GLI3: variants seen among roughly 807,000 people sequenced by gnomAD.
GLI3 encodes GLI family zinc finger 3, also known as transcription activator GLI3.
Under a neutral mutation model 100.8 loss-of-function variants are expected in GLI3, and 20 were observed. The observed-to-expected ratio is 0.20, with a 90% confidence interval of 0.14 to 0.29. GLI3 has a LOEUF of 0.29. Among genes scored for constraint, GLI3 ranks in the 10% least tolerant of loss-of-function variants. The probability of loss-of-function intolerance (pLI) is 1.00; values close to 1 mark genes in which losing one functional copy is unlikely to be tolerated. For synonymous variants in GLI3, 938 were observed against 860.5 expected (o/e 1.09, Z -1.58); for missense variants, 2,040 against 2,128.5 (o/e 0.96, Z 0.82).
intron 3 of GLI3, among the ~76,000 whole-genome samples, chr7:42,139,245 T>C (rs1247081811): frequency 6.6e-6 from 1 of 152,248 alleles, no homozygotes; most frequent in Non-Finnish European, 1.5e-5. Context: ...GTTAATTCTT[T>C]AGGAACGAAG....
upstream of GLI3, chr7:42,237,862 G>C (rs1296254772): frequency 6.6e-6 from 1 of 150,444 alleles, no homozygotes; most frequent in Non-Finnish European, 1.5e-5. Flanking sequence ...CCCGGAGTGG[G>C]TCCCAGCTGC....
intron 1 of GLI3, among the ~76,000 whole-genome samples, chr7:42,251,316 C>T (rs1021912088): frequency 6.6e-6 from 1 of 152,214 alleles, no homozygotes; most frequent in Non-Finnish European, 1.5e-5. Flanking sequence ...TCACAAGCAG[C>T]ACACAACCTA....
chr7:42,078,799 G>A (rs928397614), intron 3 of GLI3, among the ~76,000 whole-genome samples: 1 of 146,456 alleles, frequency 6.8e-6, no homozygotes, highest in South Asian at 2.2e-4. Context: ...GCTCGATCTC[G>A]GCTCACTGTG....
intron 10 of GLI3, among the ~76,000 whole-genome samples, chr7:42,010,735 C>CT (rs1446588864): frequency 1.3e-5 from 2 of 152,150 alleles, no homozygotes; most frequent in Non-Finnish European, 2.9e-5. Context: ...CCAAACCTTC[C>CT]TTATATGCAC....
At chr7:42,154,861 A>G (rs960731359) in intron 2 of GLI3, among the ~76,000 whole-genome samples, 1 of 152,188 alleles carries the variant, frequency 6.6e-6, no homozygotes, top group African/African-American at 2.4e-5. Flanking sequence ...AACATTTCCA[A>G]TACCCTCGGG....
intron 10 of GLI3, among the ~76,000 whole-genome samples, chr7:42,021,940 T>G (rs1241839171): frequency 6.6e-6 from 1 of 152,240 alleles, no homozygotes. Flanking sequence ...CCCTTTGATA[T>G]TCCAATGTTT....
chr7:42,118,313 C>A (rs547697404), intron 3 of GLI3: 3 of 398,650 alleles, frequency 7.5e-6, no homozygotes, highest in Admixed American at 8.8e-5. Context: ...TCCTTTCTCA[C>A]TGAATTCTCC....
At chr7:42,167,195 C>T (rs932054784) in intron 2 of GLI3, among the ~76,000 whole-genome samples, 2 of 152,110 alleles carry the variant, frequency 1.3e-5, no homozygotes, top group African/African-American at 4.8e-5. Context: ...TATTGCTATT[C>T]ATCAACTTAA....
intron 10 of GLI3, among the ~76,000 whole-genome samples, chr7:41,991,357 C>T (rs1042100384): frequency 5.9e-5 from 9 of 152,188 alleles, no homozygotes; most frequent in East Asian, 1.9e-4. Context: ...CCCTCCGCTT[C>T]GGCATGCTTT....
intron 2 of GLI3, among the ~76,000 whole-genome samples, chr7:42,196,326 T>C (rs533677666): frequency 1.5e-4 from 23 of 152,336 alleles, no homozygotes; most frequent in African/African-American, 5.1e-4. Flanking sequence ...GAATTTCAAC[T>C]ATTAATTCTC....
chr7:42,259,996 G>A (rs955185418), intron 1 of GLI3, among the ~76,000 whole-genome samples: 2 of 152,200 alleles, frequency 1.3e-5, no homozygotes, highest in Non-Finnish European at 2.9e-5. Context: ...GTTTGGTTCT[G>A]TGTATGTACA....
chr7:42,107,245 C>T (rs1178102763), intron 3 of GLI3, among the ~76,000 whole-genome samples: 1 of 151,970 alleles, frequency 6.6e-6, no homozygotes, highest in East Asian at 1.9e-4. Context: ...GTGGAAGGAC[C>T]CCTTGAGCCC....
intron 10 of GLI3, among the ~76,000 whole-genome samples, chr7:41,986,658 G>T (rs1787830951): frequency 6.6e-6 from 1 of 151,948 alleles, no homozygotes; most frequent in Admixed American, 6.5e-5. Context: ...TAAAAAAGGT[G>T]GGTGAATAGA....
chr7:42,137,549 A>G (rs908848471), intron 3 of GLI3, among the ~76,000 whole-genome samples: 1 of 151,948 alleles, frequency 6.6e-6, no homozygotes, highest in African/African-American at 2.4e-5. Context: ...CTGCAAAGAC[A>G]CCTCCTGAGC....
At chr7:42,015,760 C>A (rs1027789525) in intron 10 of GLI3, among the ~76,000 whole-genome samples, 3 of 152,068 alleles carry the variant, frequency 2.0e-5, no homozygotes, top group East Asian at 1.9e-4. Context: ...CCCACCCCCC[C>A]ACACATAGGT....
chr7:42,104,586 AGAT>A (rs1785534727), intron 3 of GLI3, among the ~76,000 whole-genome samples: 1 of 152,228 alleles, frequency 6.6e-6, no homozygotes, highest in African/African-American at 2.4e-5. Flanking sequence ...CACATTTCTG[AGAT>A]TCAAACTCTT....
chr7:41,976,148 A>G (rs916822503), intron 12 of GLI3, among the ~76,000 whole-genome samples: 6 of 152,064 alleles, frequency 3.9e-5, no homozygotes, highest in African/African-American at 9.7e-5. Flanking sequence ...TTCTATCTCT[A>G]TGTATCTATC....
rs114001689 is a variant in GLI3 at position 41,999,939 on chromosome 7, G to C, written c.1498-21191C>G. Among the ~76,000 whole-genome samples the C allele has an allele frequency of 8.5e-3, 1,287 of 152,278 alleles. 18 individuals are homozygous for C. The highest frequency in any genetic ancestry group is 0.029 in the African/African-American group (1,187 of 41,560). On this transcript the variant is annotated intron_variant, in intron 10 of 14. Coordinates refer to ENST00000395925, the MANE Select transcript of GLI3 (RefSeq NM_000168.6). ...GGGAACTGAAAGCCACACATCCAGAGACCCACACTATGACATGCTGTACTA... is the reference window on the plus strand; with the variant it reads ...GGGAACTGAAAGCCACACATCCAGACACCCACACTATGACATGCTGTACTA...
chr7:42,188,542 C>T (rs931599873), intron 2 of GLI3, among the ~76,000 whole-genome samples: 3 of 152,006 alleles, frequency 2.0e-5, no homozygotes, highest in Non-Finnish European at 2.9e-5. Flanking sequence ...AAAAGTAAAA[C>T]ATGAACACAC....
Sources: gnomAD v4.1 joint callset for allele counts (sites outside exome capture counted in the v4.1 genomes callset) on GRCh38, gnomAD v4.1.1 for gene constraint, MANE v1.5 for transcripts, NCBI Gene and HGNC (gene_info 2026-07-23, HGNC 2026-07-21) for gene names.